MTA3: variants seen among roughly 807,000 people sequenced by gnomAD.
MTA3 encodes metastasis associated 1 family member 3, also known as metastasis-associated protein MTA3.
A neutral mutation model predicts 83.5 loss-of-function variants in MTA3; 34 were observed. The ratio of observed to expected loss-of-function variants is 0.41; its 90% CI spans 0.31 to 0.54. MTA3 has a LOEUF of 0.54. Ranked by LOEUF, MTA3 falls within the 20% of genes least tolerant of loss-of-function variation. The pLI, the probability that MTA3 is intolerant of heterozygous loss-of-function variation, is 0.33. For missense variants in MTA3, 761 were observed against 726.4 expected (o/e 1.05, Z -0.55); for synonymous variants, 303 against 252.7 (o/e 1.20, Z -1.89).
At chr2:42,504,615 T>C (rs1674546435) in intron 2 of MTA3, among the ~76,000 whole-genome samples, 1 of 151,620 alleles carries the variant, frequency 6.6e-6, no homozygotes, top group African/African-American at 2.4e-5. Context: ...TGACACCATC[T>C]CACATCAATG....
At chr2:42,596,874 A>C (rs1447375223) in intron 3 of MTA3, among the ~76,000 whole-genome samples, 1 of 151,886 alleles carries the variant, frequency 6.6e-6, no homozygotes, top group Non-Finnish European at 1.5e-5. Context: ...TCATTTTTAT[A>C]CTTGAAGTAG....
intron 2 of MTA3, among the ~76,000 whole-genome samples, chr2:42,500,833 C>T (rs1230586059): frequency 7.5e-6 from 1 of 133,622 alleles, no homozygotes; most frequent in Admixed American, 8.1e-5. Flanking sequence ...TTTTTTGAGA[C>T]GGAGTCTCAC....
chr2:42,669,646 C>T lies in MTA3; in HGVS notation c.702+9784C>T, dbSNP rs1256029437. Among the ~76,000 whole-genome samples the T allele has an allele frequency of 2.6e-5, 4 of 152,276 alleles. No homozygotes were observed. In the South Asian group the frequency reaches 6.2e-4, roughly 24 times the overall value. ...GCAATAATATTCTACATTACACACA[C>T]GTCTTTTTGTTGATGATCTATTACA... On this transcript the variant is annotated intron_variant, in intron 8 of 16. Coordinates refer to ENST00000405094, the MANE Select transcript of MTA3 (RefSeq NM_001330442.2).
intron 3 of MTA3, among the ~76,000 whole-genome samples, chr2:42,609,032 A>ATTTTTTTTT (rs11460512): frequency 7.4e-6 from 1 of 136,050 alleles, no homozygotes; most frequent in Admixed American, 7.7e-5. Flanking sequence ...TAAATGTTTA[A>ATTTTTTTTT]TTTTTTTTTT....
chr2:42,639,867 A>C (rs72801610), intron 4 of MTA3, among the ~76,000 whole-genome samples: 2 of 152,086 alleles, frequency 1.3e-5, no homozygotes, highest in African/African-American at 4.8e-5. Flanking sequence ...TGAAGTTCTC[A>C]TTGTACTCTT....
At chr2:42,656,059 A>G (rs184104072) in intron 6 of MTA3, 141 bp from the exon 7 acceptor site, 7 of 593,586 alleles carry the variant, frequency 1.2e-5, no homozygotes, top group African/African-American at 9.2e-5. Flanking sequence ...TTGTACATCT[A>G]CGTCTGAAAG....
chr2:42,554,366 A>G (rs1677279865), intron 2 of MTA3, among the ~76,000 whole-genome samples: 1 of 152,232 alleles, frequency 6.6e-6, no homozygotes, highest in South Asian at 2.1e-4. Flanking sequence ...GCTCGATGTA[A>G]GAATCACAAT....
At chr2:42,579,287 T>C (rs2103870613) in intron 3 of MTA3, 87 bp downstream of exon 3, 5 of 953,276 alleles carry the variant, frequency 5.2e-6, no homozygotes, top group Non-Finnish European at 7.8e-6. Context: ...TTACCTGAAG[T>C]CTTTTGCTTG....
At chr2:42,594,721 T>TAAATATAC (rs1681512135) in intron 3 of MTA3, among the ~76,000 whole-genome samples, 7 of 36,576 alleles carry the variant, frequency 1.9e-4, no homozygotes, top group African/African-American at 3.4e-4. Flanking sequence ...TATATATATA[T>TAAATATAC]ATATATATTT....
intron 2 of MTA3, chr2:42,533,480 A>T (rs1005281920): frequency 8.6e-5 from 13 of 150,606 alleles, no homozygotes; most frequent in Non-Finnish European, 1.6e-4. Flanking sequence ...AGCCGAAAGG[A>T]AGATTCTGTT....
In MTA3 at chr2:42,735,010, C is replaced by G. The variant is rs1288973579; in HGVS notation, c.1759+11975C>G. On this transcript the variant is annotated intron_variant, in intron 16 of 16. Transcript: ENST00000405094. ...TATGAGTAGTTTACAGACAATTACA[C>G]TGTTATAATATTCTGTGTTTTTCTG... Among the ~76,000 whole-genome samples, 7 of 152,210 alleles carry G rather than the reference C, an allele frequency of 4.6e-5. No individual in the cohort carries two copies. The South Asian group carries it at 8.3e-4, about 18-fold the overall frequency.
chr2:42,677,945 C>A (rs903747776), intron 8 of MTA3, among the ~76,000 whole-genome samples: 12 of 152,192 alleles, frequency 7.9e-5, no homozygotes, highest in Non-Finnish European at 1.6e-4. Context: ...CTACGGGTAA[C>A]TGAAACCTTG....
chr2:42,578,640 T>A (rs1480684266), intron 2 of MTA3, among the ~76,000 whole-genome samples: 1 of 152,210 alleles, frequency 6.6e-6, no homozygotes, highest in Non-Finnish European at 1.5e-5. Context: ...GGGGAGGGCT[T>A]GGTGATTTTA....
At chr2:42,588,260 C>T (rs1336442552) in intron 3 of MTA3, among the ~76,000 whole-genome samples, 1 of 152,114 alleles carries the variant, frequency 6.6e-6, no homozygotes, top group African/African-American at 2.4e-5. Context: ...AAAATTTTTA[C>T]ATGTAAGTAA....
intron 4 of MTA3, among the ~76,000 whole-genome samples, chr2:42,615,361 T>C (rs1273468914): frequency 6.6e-6 from 1 of 151,836 alleles, no homozygotes; most frequent in African/African-American, 2.4e-5. Flanking sequence ...TTTTATTTTT[T>C]ATTTTTTTTG....
intron 2 of MTA3, among the ~76,000 whole-genome samples, chr2:42,563,390 A>G (rs1677755003): frequency 1.3e-5 from 2 of 151,996 alleles, no homozygotes; most frequent in Admixed American, 6.6e-5. Flanking sequence ...GCTGGTCTCA[A>G]ACTACTGACT....
intron 16 of MTA3, among the ~76,000 whole-genome samples, chr2:42,738,773 G>A (rs1668794990): frequency 6.6e-6 from 1 of 152,192 alleles, no homozygotes; most frequent in Admixed American, 6.5e-5. Flanking sequence ...TGCGCACGTA[G>A]GGGTAGCTCT....
intron 3 of MTA3, among the ~76,000 whole-genome samples, chr2:42,609,032 A>ATTTT (rs11460512): frequency 2.2e-5 from 3 of 136,044 alleles, no homozygotes; most frequent in African/African-American, 5.5e-5. Context: ...TAAATGTTTA[A>ATTTT]TTTTTTTTTT....
chr2:42,634,686 G>C (rs1687014762), intron 4 of MTA3, among the ~76,000 whole-genome samples: 1 of 151,984 alleles, frequency 6.6e-6, no homozygotes, highest in Non-Finnish European at 1.5e-5. Flanking sequence ...TTTTTTAAAA[G>C]TGTATGGATA....
Sources: allele counts gnomAD v4.1 joint callset (sites outside exome capture counted in the v4.1 genomes callset), GRCh38; gene constraint gnomAD v4.1.1; transcripts MANE v1.5; gene names NCBI Gene and HGNC (gene_info 2026-07-23, HGNC 2026-07-21).